DAG1: variants seen among roughly 807,000 people sequenced by gnomAD.
DAG1 encodes dystroglycan 1, also known as dystroglycan 1 (dystrophin-associated glycoprotein 1).
DAG1 carries 8 observed loss-of-function variants against 46.1 expected under a neutral mutation model. That is an observed-to-expected ratio of 0.17 (90% CI 0.10 to 0.31). The LOEUF is 0.31. DAG1 is among the 10% of genes least tolerant of loss of function. DAG1 has a pLI of 1.00. For missense variants in DAG1, 1,003 were observed against 1,189.9 expected (o/e 0.84, Z 2.31); for synonymous variants, 495 against 481.8 (o/e 1.03, Z -0.36).
chr3:49,478,840 A>G (rs1369541024), intron 1 of DAG1, among the ~76,000 whole-genome samples: 3 of 86,802 alleles, frequency 3.5e-5, no homozygotes, highest in African/African-American at 9.4e-5. Context: ...TGGATACAGA[A>G]TCTTGCACTG....
rs140966642 is a variant in DAG1, at chr3:49,526,757, G to T, written c.286-4040G>T. 9.3e-3 allele frequency among the ~76,000 whole-genome samples: 1,407 copies of T among 152,104 alleles called. 27 individuals carry two copies. The highest frequency in any genetic ancestry group is 0.031 in the African/African-American group (1,286 of 41,500). The stretch of plus-strand genomic sequence containing the variant: ...AAATAAAATTAAATAAATTGTGAAA[G>T]AATTTGTTCTCAGTAGTCAAAATAA... On this transcript the variant is annotated intron_variant, in intron 2 of 2. Coordinates refer to ENST00000308775, the MANE Select transcript of DAG1 (RefSeq NM_004393.6).
chr3:49,477,548 C>T (rs2049717506), intron 1 of DAG1, among the ~76,000 whole-genome samples: 1 of 152,202 alleles, frequency 6.6e-6, no homozygotes, highest in Admixed American at 6.6e-5. Context: ...CCGCCTCAGC[C>T]TCTCAAAGTG....
chr3:49,504,424 A>G (rs2050540361), intron 1 of DAG1, among the ~76,000 whole-genome samples: 3 of 152,216 alleles, frequency 2.0e-5, no homozygotes, highest in East Asian at 1.9e-4. Flanking sequence ...GGGTTGTACC[A>G]TTTGTTGAAA....
Position 49,533,312 on chromosome 3 carries a change from CCT to C in DAG1, c.*114_*115del. On this transcript the variant is annotated 3_prime_UTR_variant, in exon 3 of 3. Coordinates refer to ENST00000308775, the MANE Select transcript of DAG1 (RefSeq NM_004393.6). ...TTGCCCACCGGGAGCCGACACCTGA[CCT>C]AGCACACACTGACACAGGGGCCTGG... 1 of 1,479,362 alleles carries C rather than the reference CCT, an allele frequency of 6.8e-7. No individual in the cohort carries two copies. The highest frequency in any genetic ancestry group is 9.2e-7 in the Non-Finnish European group (1 of 1,091,218). 91.6% of individuals were successfully genotyped at this position (1,479,362 alleles called of 1,614,324 possible).
chr3:49,493,119 A>G (rs2050231473), intron 1 of DAG1: 1 of 129,486 alleles, frequency 7.7e-6, no homozygotes, highest in Non-Finnish European at 1.5e-5. Flanking sequence ...ATCATGGCTC[A>G]CTGCAACCTC....
intron 1 of DAG1, among the ~76,000 whole-genome samples, chr3:49,487,656 A>G (rs1414953433): frequency 1.5e-5 from 2 of 129,752 alleles, no homozygotes; most frequent in Admixed American, 1.5e-4. Context: ...AGTACTACAT[A>G]TTTGTTATTA....
upstream of DAG1, chr3:49,470,051 A>T (rs1389217019): frequency 6.6e-6 from 1 of 151,272 alleles, no homozygotes. Flanking sequence ...AGGGCGGGGG[A>T]GTGGCTAGCC....
chr3:49,479,831 G>A (rs2049818107), intron 1 of DAG1, among the ~76,000 whole-genome samples: 1 of 145,090 alleles, frequency 6.9e-6, no homozygotes, highest in Non-Finnish European at 1.5e-5. Flanking sequence ...TAGTAGAGAC[G>A]GGGTTTCAGT....
At chr3:49,523,898 G>T (rs1454218354) in intron 2 of DAG1, among the ~76,000 whole-genome samples, 1 of 152,210 alleles carries the variant, frequency 6.6e-6, no homozygotes, top group African/African-American at 2.4e-5. Context: ...GCTGGGATTC[G>T]CAGTGAAAGA....
At chr3:49,485,369 C>G (rs1464834912) in intron 1 of DAG1, among the ~76,000 whole-genome samples, 1 of 152,118 alleles carries the variant, frequency 6.6e-6, no homozygotes, top group Non-Finnish European at 1.5e-5. Context: ...TTTGTTGTGT[C>G]TGGCCTTTAT....
At chr3:49,512,197 AATTTATTT>A in intron 2 of DAG1, among the ~76,000 whole-genome samples, 1 of 151,548 alleles carries the variant, frequency 6.6e-6, no homozygotes, top group South Asian at 2.1e-4. Flanking sequence ...ACACCCAGCT[AATTTATTT>A]ATTTATTTAT....
intron 1 of DAG1, among the ~76,000 whole-genome samples, chr3:49,495,116 C>T (rs2050278064): frequency 6.6e-6 from 1 of 152,110 alleles, no homozygotes; most frequent in African/African-American, 2.4e-5. Context: ...TGGCATCCAG[C>T]CTTGACCCCC....
intron 1 of DAG1, among the ~76,000 whole-genome samples, chr3:49,481,396 CAAA>C (rs10715955): frequency 1.8e-4 from 17 of 93,808 alleles, no homozygotes; most frequent in Admixed American, 2.2e-4. Context: ...GACTCTGCCT[CAAA>C]AAAAAAAAAA....
chr3:49,500,520 G>A (rs1321756600), intron 1 of DAG1, among the ~76,000 whole-genome samples: 2 of 152,204 alleles, frequency 1.3e-5, no homozygotes, highest in Non-Finnish European at 2.9e-5. Context: ...TGTGGGTACT[G>A]CACTGGGTGC....
chr3:49,528,723 C>T (rs192530946), intron 2 of DAG1, among the ~76,000 whole-genome samples: 2 of 152,180 alleles, frequency 1.3e-5, no homozygotes, highest in Admixed American at 1.3e-4. Context: ...GTGGGAGATT[C>T]TTAATTAGAT....
chr3:49,528,392 C>T (rs1237691177), intron 2 of DAG1, among the ~76,000 whole-genome samples: 2 of 141,962 alleles, frequency 1.4e-5, no homozygotes, highest in African/African-American at 5.2e-5. Context: ...TCAAGCCATT[C>T]TTGTGCATCA....
chr3:49,524,692 ATATT>A (rs2051121237), intron 2 of DAG1, among the ~76,000 whole-genome samples: 1 of 151,674 alleles, frequency 6.6e-6, no homozygotes, highest in East Asian at 1.9e-4. Context: ...AAAAAAATGT[ATATT>A]TAAGGGCTGG....
chr3:49,531,871 C>T lies in DAG1; in HGVS notation c.1360C>T (p.Arg454Trp), dbSNP rs369872091. 4.6e-5 allele frequency: 75 copies of T among 1,614,064 alleles called. No homozygotes were observed. The Admixed American group carries it at 8.5e-4, about 18-fold the overall frequency. Residue 454 changes from arginine to tryptophan, a missense_variant, in exon 3 of 3, where the codon CGG (arginine) becomes TGG (tryptophan). Transcript: ENST00000308775. The surrounding 1 kb of genome is among the most constrained non-coding windows in gnomAD (Gnocchi z 7.0). The stretch of plus-strand genomic sequence containing the variant: ...GACTCGCAGGCCAACCAAGAAACCA[C>T]GGACACCCCGGCCAGTGCCCCGGGT... The part of the protein sequence containing the change: ...TTTRRPTKKP[R>W]TPRPVPRVTT...
At chr3:49,499,858 T>C (rs2050399674) in intron 1 of DAG1, among the ~76,000 whole-genome samples, 1 of 152,350 alleles carries the variant, frequency 6.6e-6, no homozygotes, top group South Asian at 2.1e-4. Context: ...GTTATATCCC[T>C]GATGACTGAT....
Sources: allele counts gnomAD v4.1 joint callset (sites outside exome capture counted in the v4.1 genomes callset), GRCh38; gene constraint gnomAD v4.1.1; non-coding constraint Gnocchi (gnomAD v3.1); transcripts MANE v1.5; gene names NCBI Gene and HGNC (gene_info 2026-07-23, HGNC 2026-07-21).